ALS2: variants seen among roughly 807,000 people sequenced by gnomAD.
The protein encoded by ALS2 is alsin Rho guanine nucleotide exchange factor ALS2.
Under a neutral mutation model 203.4 loss-of-function variants are expected in ALS2, and 117 were observed. The observed-to-expected ratio is 0.58, with a 90% CI of 0.50 to 0.67. The LOEUF (loss-of-function observed/expected upper bound fraction) is 0.67. ALS2 is among the 30% of genes least tolerant of loss of function. The probability of loss-of-function intolerance (pLI) is 0.00; values close to 1 mark genes in which losing one functional copy is unlikely to be tolerated. For missense variants in ALS2, 1,715 were observed against 1,989.4 expected (o/e 0.86, Z 2.62); for synonymous variants, 718 against 725.9 (o/e 0.99, Z 0.17).
At position 201,757,624 on chromosome 2, in the gene ALS2, A is replaced by G. The variant is rs1224213694; in HGVS notation, c.1249T>C (p.Ser417Pro). The G allele has an allele frequency of 8.1e-6, 13 of 1,614,054 alleles. No homozygotes were observed. Among genetic ancestry groups the G allele is most frequent in the Non-Finnish European group, 1.0e-5 (12 of 1,180,036 alleles). Residue 417 changes from serine (S) to proline (P), a missense_variant, in exon 5 of 34, where the codon TCA becomes CCA. Physicochemically the swap from Ser to Pro is moderately conservative, Grantham distance 74. Coordinates refer to ENST00000264276, the MANE Select transcript of ALS2 (RefSeq NM_020919.4). ...TAAAAGTTCATAACTTTCTTCAGTGACAAGGCACCAGCTTCATAAGTAGCA... is the reference window on the plus strand; with the variant it reads ...TAAAAGTTCATAACTTTCTTCAGTGGCAAGGCACCAGCTTCATAAGTAGCA... ...VAATYEAGAL[S>P]LKKVMNFYST...
chr2:201,750,542 A>G (rs1692967915), intron 7 of ALS2, among the ~76,000 whole-genome samples: 1 of 152,068 alleles, frequency 6.6e-6, no homozygotes, highest in Non-Finnish European at 1.5e-5. Context: ...TCATACATGA[A>G]GAGTTACTGT....
At chr2:201,752,900 GA>G (rs1156324277) in intron 7 of ALS2, among the ~76,000 whole-genome samples, 1 of 152,186 alleles carries the variant, frequency 6.6e-6, no homozygotes, top group Non-Finnish European at 1.5e-5. Context: ...AAATCAGGCA[GA>G]AAAGTGTTTA....
intron 15 of ALS2, 42 bp downstream of exon 15, chr2:201,728,470 C>T: frequency 1.9e-5 from 31 of 1,611,872 alleles, no homozygotes; most frequent in Non-Finnish European, 2.6e-5. Context: ...GGATAGGGGT[C>T]CACCTTTCAG....
rs202247155 is a variant in ALS2, at chr2:201,741,863, A to G, written c.2171-9T>C. The G allele has an allele frequency of 7.5e-6, 12 of 1,606,590 alleles. No homozygotes were observed. The highest frequency in any genetic ancestry group is 1.0e-5 in the Non-Finnish European group (12 of 1,173,850). On this transcript the variant is annotated splice_polypyrimidine_tract_variant and intron_variant, in intron 10 of 33. Coordinates refer to ENST00000264276, the MANE Select transcript of ALS2 (RefSeq NM_020919.4). ...TGTAGTGCCCAAATTTTCTATAACA[A>G]AATAATGATGATGATGACAACACAA...
At chr2:201,723,540 T>C in intron 21 of ALS2, 99 bp from the exon 22 acceptor site, 1 of 1,000,600 alleles carries the variant, frequency 1.0e-6, no homozygotes, top group Non-Finnish European at 1.6e-6. Flanking sequence ...CAACCCTAGG[T>C]TGGTATTGCT....
At chr2:201,758,465 T>A (rs1693537241) in intron 4 of ALS2, among the ~76,000 whole-genome samples, 1 of 152,186 alleles carries the variant, frequency 6.6e-6, no homozygotes, top group South Asian at 2.1e-4. Context: ...ATTAAACATT[T>A]GGAACCAGTG....
chr2:201,737,480 T>C (rs1220195217), intron 12 of ALS2, among the ~76,000 whole-genome samples: 1 of 152,164 alleles, frequency 6.6e-6, no homozygotes, highest in Admixed American at 6.5e-5. Context: ...CTACAACTTT[T>C]AGAAATAGGG....
chr2:201,707,111 CA>C (rs1455913883), intron 28 of ALS2, 89 bp from the exon 29 acceptor site: 1 of 1,267,238 alleles, frequency 7.9e-7, no homozygotes, highest in East Asian at 2.5e-5. Flanking sequence ...TTCAAAAAGT[CA>C]AAAGTAGAGA....
rs3219161 is a variant in ALS2 at position 201,728,557 on chromosome 2, G to A, written c.2796C>T (p.Ser932=). Residue 932 remains serine, a synonymous_variant, in exon 15 of 34, where the codon TCC becomes TCT. Coordinates refer to ENST00000264276, the MANE Select transcript of ALS2 (RefSeq NM_020919.4). ...CATTAAAGAGAATGAACCAATTCAC[G>A]GAAAACCTCCCAGCATGCTGCAGAG... ...ALSLQHAGRF[S]VNWFILFNDA... The A allele has an allele frequency of 0.094, 152,177 of 1,613,840 alleles. 8,091 individuals carry two copies. The highest frequency in any genetic ancestry group is 0.25 in the East Asian group (11,026 of 44,874).
At chr2:201,768,348 G>A (rs919796675) in intron 2 of ALS2, among the ~76,000 whole-genome samples, 1 of 152,188 alleles carries the variant, frequency 6.6e-6, no homozygotes, top group Admixed American at 6.5e-5. Context: ...ATTAAGATAT[G>A]TGCCACCATT....
intron 13 of ALS2, among the ~76,000 whole-genome samples, chr2:201,732,399 C>CAAAAAAAAAAAAAA (rs11288102): frequency 1.2e-5 from 1 of 85,152 alleles, no homozygotes; most frequent in African/African-American, 4.2e-5. Flanking sequence ...ACTAAAAATA[C>CAAAAAAAAAAAAAA]AAAAAAAAAA....
intron 3 of ALS2, among the ~76,000 whole-genome samples, chr2:201,762,351 A>G (rs1381431814): frequency 6.6e-6 from 1 of 152,256 alleles, no homozygotes; most frequent in Non-Finnish European, 1.5e-5. Flanking sequence ...CTGTACAGGA[A>G]GCACCAGTTC....
chr2:201,724,608 C>A (rs878877459), intron 20 of ALS2, 149 bp from the exon 21 acceptor site: 2 of 871,874 alleles, frequency 2.3e-6, no homozygotes, highest in Non-Finnish European at 3.6e-6. Context: ...ATTAAAAAAA[C>A]CTCATTTTCG....
chr2:201,716,220 C>T (rs1690379971), intron 24 of ALS2, among the ~76,000 whole-genome samples: 1 of 151,908 alleles, frequency 6.6e-6, no homozygotes, highest in African/African-American at 2.4e-5. Flanking sequence ...CCAGCCTGGC[C>T]AACATGGTGA....
At chr2:201,762,561 C>A (rs922727779) in intron 3 of ALS2, among the ~76,000 whole-genome samples, 1 of 152,168 alleles carries the variant, frequency 6.6e-6, no homozygotes, top group Non-Finnish European at 1.5e-5. Flanking sequence ...ATGAGCATTT[C>A]CTTTGAGCAC....
chr2:201,779,583 G>A (rs933406780), intron 1 of ALS2, among the ~76,000 whole-genome samples: 1 of 152,078 alleles, frequency 6.6e-6, no homozygotes, highest in Admixed American at 6.6e-5. Context: ...TGTAGTGGGA[G>A]GAATTAATTA....
At chr2:201,725,308 T>C (rs1445616360) in intron 20 of ALS2, 48 bp downstream of exon 20, 3 of 1,495,708 alleles carry the variant, frequency 2.0e-6, no homozygotes, top group African/African-American at 1.4e-5. Flanking sequence ...CAGGTTTACA[T>C]GGTTATATGA....
intron 25 of ALS2, among the ~76,000 whole-genome samples, chr2:201,714,815 T>C (rs1202005217): frequency 6.6e-6 from 1 of 152,146 alleles, no homozygotes; most frequent in Admixed American, 6.5e-5. Context: ...CTAATTAGGA[T>C]CAAATTCATA....
rs200733209 is a variant in ALS2, at chr2:201,761,269, A to G, written c.725T>C (p.Met242Thr). The change falls in exon 4 of 34, where the codon ATG becomes ACG. Residue 242 changes from methionine (M) to threonine (T), a missense_variant. By Grantham distance (81) the Met-to-Thr change is moderately conservative. Coordinates refer to ENST00000264276, the MANE Select transcript of ALS2 (RefSeq NM_020919.4). ...AATCACATGGTCTTCTTTGTCAGTC[A>G]TAGTAATCAAGAGCTGGCTGCACTG... ...CNQCSQLLIT[M>T]TDKEDHVIIS... 2.2e-4 allele frequency: 359 copies of G among 1,614,020 alleles called. No homozygotes were observed. The highest frequency in any genetic ancestry group is 2.9e-4 in the Non-Finnish European group (344 of 1,180,024).
Sources: allele counts gnomAD v4.1 joint callset (sites outside exome capture counted in the v4.1 genomes callset), GRCh38; gene constraint gnomAD v4.1.1; transcripts MANE v1.5; gene names NCBI Gene and HGNC (gene_info 2026-07-23, HGNC 2026-07-21).